DLC1: variants seen among roughly 807,000 people sequenced by gnomAD.
DLC1 encodes the protein DLC1 Rho GTPase activating protein, also known as rho GTPase-activating protein 7.
DLC1 carries 54 observed loss-of-function variants against 140.3 expected under a neutral mutation model. The ratio of observed to expected loss-of-function variants is 0.38; its 90% CI spans 0.31 to 0.48. The LOEUF (loss-of-function observed/expected upper bound fraction) is 0.48, where lower values mean the gene tolerates loss of function less well. Ranked by LOEUF, DLC1 falls within the 20% of genes least tolerant of loss-of-function variation. The pLI is 0.96. For synonymous variants in DLC1, 986 were observed against 728.1 expected, an observed-to-expected ratio of 1.35 and a Z score of -5.70; for missense variants, 2,536 against 1,907.0, an observed-to-expected ratio of 1.33 and a Z score of -6.14.
chr8:13,450,214 G>T (rs577455532), intron 2 of DLC1, among the ~76,000 whole-genome samples: 3 of 151,826 alleles, frequency 2.0e-5, no homozygotes, highest in East Asian at 1.9e-4. Flanking sequence ...CAGCACTTTG[G>T]GGGGCTGAGG....
chr8:13,520,956 A>G (rs564606886), intron 1 of DLC1, among the ~76,000 whole-genome samples: 197 of 152,310 alleles, frequency 1.3e-3, no homozygotes, highest in Non-Finnish European at 2.4e-3. Flanking sequence ...AAGGGTCCAT[A>G]TATCTTTAGT....
chr8:13,191,628 G>A (rs1341450451), intron 5 of DLC1, among the ~76,000 whole-genome samples: 1 of 152,102 alleles, frequency 6.6e-6, no homozygotes, highest in African/African-American at 2.4e-5. Context: ...CCCCATATAA[G>A]CCCAGATGAT....
chr8:13,086,902 G>A (rs1817611225), intron 16 of DLC1, among the ~76,000 whole-genome samples: 1 of 152,088 alleles, frequency 6.6e-6, no homozygotes, highest in East Asian at 1.9e-4. Context: ...GTGTGCTCCT[G>A]TAGTCTCAGC....
At chr8:13,353,093 A>G (rs62494662) in intron 4 of DLC1, among the ~76,000 whole-genome samples, 52,718 of 152,006 alleles carry the variant, frequency 0.35, 9,607 homozygotes, top group Middle Eastern at 0.46. Context: ...TCTTAGTAAC[A>G]TAATTAACCT....
At chr8:13,352,716 A>T (rs561893206) in intron 4 of DLC1, among the ~76,000 whole-genome samples, 1 of 152,172 alleles carries the variant, frequency 6.6e-6, no homozygotes, top group Non-Finnish European at 1.5e-5. Flanking sequence ...AGATTAACTC[A>T]GTCATTATTA....
intron 5 of DLC1, among the ~76,000 whole-genome samples, chr8:13,139,456 C>T (rs1822813114): frequency 6.6e-6 from 1 of 152,052 alleles, no homozygotes; most frequent in Non-Finnish European, 1.5e-5. Context: ...ATTTACTAAA[C>T]CCTAGAAAAG....
intron 1 of DLC1, among the ~76,000 whole-genome samples, chr8:13,539,121 A>G (rs572582464): frequency 5.1e-4 from 77 of 152,190 alleles, no homozygotes; most frequent in African/African-American, 1.8e-3. Context: ...ATCACTTTTT[A>G]TCTTGATTAT....
chr8:13,436,822 A>C (rs1839141155), intron 2 of DLC1, among the ~76,000 whole-genome samples: 1 of 152,182 alleles, frequency 6.6e-6, no homozygotes, highest in Non-Finnish European at 1.5e-5. Context: ...TTAAAATGCA[A>C]ATATTTGACT....
chr8:13,133,308 C>T (rs189949976), intron 5 of DLC1: 16,114 of 1,231,136 alleles, frequency 0.013, 108 homozygotes, highest in Non-Finnish European at 0.015. Flanking sequence ...CGCGCTCCGC[C>T]AGCCGGGCCC....
At chr8:13,513,786 C>T (rs563069639) in intron 1 of DLC1, among the ~76,000 whole-genome samples, 7 of 152,210 alleles carry the variant, frequency 4.6e-5, no homozygotes, top group Admixed American at 2.0e-4. Context: ...TTTACGATTA[C>T]ATAAGTAAGG....
rs535044999 is a variant in DLC1, at chr8:13,219,955, A to G, written c.1348+85314T>C. On this transcript the variant is annotated intron_variant, in intron 5 of 17. Coordinates refer to ENST00000276297, the MANE Select transcript of DLC1 (RefSeq NM_182643.3). ...CATACTGTCTTAATTCCACTACATG[A>G]ACTATCGAGAATAGATAAATCCGTA... is the stretch of plus-strand genomic sequence containing the variant. Among the ~76,000 whole-genome samples, 7 of 152,266 alleles carry G rather than the reference A, an allele frequency of 4.6e-5. No individual in the cohort carries two copies. In the South Asian group the frequency reaches 1.4e-3, roughly 32 times the overall value.
intron 4 of DLC1, among the ~76,000 whole-genome samples, chr8:13,387,534 C>T (rs931302675): frequency 1.3e-5 from 2 of 151,678 alleles, no homozygotes; most frequent in African/African-American, 4.8e-5. Flanking sequence ...ATATCACAAG[C>T]ACAGTGACTT....
chr8:13,408,337 G>A (rs1041796428), intron 2 of DLC1, among the ~76,000 whole-genome samples: 19 of 152,116 alleles, frequency 1.2e-4, no homozygotes, highest in Non-Finnish European at 2.8e-4. Context: ...ATTAATTAGC[G>A]ATCATGGCTT....
chr8:13,164,382 C>G (rs1172345820), intron 5 of DLC1, among the ~76,000 whole-genome samples: 3 of 151,918 alleles, frequency 2.0e-5, no homozygotes, highest in Non-Finnish European at 4.4e-5. Context: ...GTGTTTCTGT[C>G]TATCTGTGTG....
intron 5 of DLC1, among the ~76,000 whole-genome samples, chr8:13,251,435 T>C (rs1020678865): frequency 6.6e-5 from 10 of 152,194 alleles, no homozygotes; most frequent in African/African-American, 2.2e-4. Context: ...TTGGGAAATA[T>C]AGTCCTAATC....
chr8:13,429,124 C>G (rs1838744302), intron 2 of DLC1, among the ~76,000 whole-genome samples: 2 of 152,266 alleles, frequency 1.3e-5, no homozygotes, highest in African/African-American at 2.4e-5. Flanking sequence ...ATCTACATTC[C>G]TCAATGGCGT....
intron 5 of DLC1, among the ~76,000 whole-genome samples, chr8:13,259,378 TAATTTTACA>T (rs143989107): frequency 0.043 from 6,615 of 152,166 alleles, 320 homozygotes; most frequent in African/African-American, 0.12. Context: ...TACACGATCT[TAATTTTACA>T]GATTTTACAA....
At chr8:13,547,289 A>G (rs1419667747) in intron 1 of DLC1, among the ~76,000 whole-genome samples, 3 of 152,074 alleles carry the variant, frequency 2.0e-5, no homozygotes, top group Non-Finnish European at 2.9e-5. Context: ...AGCTTTTTGC[A>G]TAAAACTCAA....
intron 5 of DLC1, among the ~76,000 whole-genome samples, chr8:13,168,569 G>A (rs879339584): frequency 1.3e-5 from 2 of 152,206 alleles, no homozygotes; most frequent in Non-Finnish European, 2.9e-5. Flanking sequence ...AATCAGGAAA[G>A]GGAGTGGAAA....
Sources: allele counts gnomAD v4.1 joint callset (sites outside exome capture counted in the v4.1 genomes callset), GRCh38; gene constraint gnomAD v4.1.1; transcripts MANE v1.5; gene names NCBI Gene and HGNC (gene_info 2026-07-23, HGNC 2026-07-21).